Variants in SERP2 observed in about 807,000 individuals in gnomAD.
SERP2 encodes stress-associated endoplasmic reticulum protein 2.
Under a neutral mutation model 9.1 loss-of-function variants are expected in SERP2, and 6 were observed. The observed-to-expected ratio is 0.66, with a 90% CI of 0.36 to 1.30. SERP2 has a LOEUF of 1.30. SERP2 is among the 50% of genes most tolerant of loss of function. The pLI is 0.03. For missense variants in SERP2, 58 were observed against 81.9 expected, an observed-to-expected ratio of 0.71 and a Z score of 1.13; for synonymous variants, 37 against 27.3, an observed-to-expected ratio of 1.35 and a Z score of -1.10.
chr13:44,394,359 A>G (rs1372852490), intron 2 of SERP2, among the ~76,000 whole-genome samples: 2 of 152,126 alleles, frequency 1.3e-5, no homozygotes, highest in East Asian at 3.9e-4. Flanking sequence ...TCTTGACCTC[A>G]TGATCTGCCC....
Position 44,374,663 on chromosome 13 carries a change from T to A in SERP2, c.84+554T>A, listed in dbSNP as rs999677362. On this transcript the variant is annotated intron_variant, in intron 1 of 2. Transcript: ENST00000379179. ...CCTCCCCAACAGACTTGCACCAGGA[T>A]CAAGTTTTCTTTCCAGCCCCTTTGT... 4.6e-5 allele frequency among the ~76,000 whole-genome samples: 7 copies of A among 152,174 alleles called. 1 individual carries two copies. Among genetic ancestry groups the A allele is most frequent in the African/African-American group, 1.7e-4 (7 of 41,448 alleles).
At chr13:44,381,774 G>A (rs761646573) in intron 2 of SERP2, among the ~76,000 whole-genome samples, 5 of 152,030 alleles carry the variant, frequency 3.3e-5, no homozygotes, top group Admixed American at 6.5e-5. Context: ...CTGCAACCCC[G>A]GAAACACATC....
chr13:44,385,773 T>C (rs1253715115), intron 2 of SERP2, among the ~76,000 whole-genome samples: 1 of 152,144 alleles, frequency 6.6e-6, no homozygotes, highest in Non-Finnish European at 1.5e-5. Context: ...ATGGGGATAA[T>C]GAGCAGCCCT....
intron 2 of SERP2, among the ~76,000 whole-genome samples, chr13:44,392,728 G>A (rs1396801813): frequency 2.0e-5 from 3 of 152,102 alleles, no homozygotes; most frequent in Admixed American, 6.5e-5. Context: ...AGGTACCTCT[G>A]AGCCACCCAG....
At chr13:44,376,796 A>G (rs1871680402) in intron 1 of SERP2, among the ~76,000 whole-genome samples, 1 of 152,136 alleles carries the variant, frequency 6.6e-6, no homozygotes, top group Admixed American at 6.5e-5. Flanking sequence ...GAAACAGAGA[A>G]ATGGAATAAT....
At position 44,373,935 on chromosome 13, in the gene SERP2, C is replaced by T; in HGVS notation, c.-91C>T. ...CCACCTGCAGCGCCCGGGTGGGCCG[C>T]GGGGGCCTCGGCGGGACGCGCTCGG... On this transcript the variant is annotated 5_prime_UTR_variant, in exon 1 of 3. Transcript: ENST00000379179. The surrounding 1 kb of genome is among the most constrained non-coding windows in gnomAD (Gnocchi z 4.8). 1.6e-6 allele frequency: 2 copies of T among 1,242,984 alleles called. No individual in the cohort carries two copies. Among genetic ancestry groups the T allele is most frequent in the Non-Finnish European group, 1.1e-6 (1 of 886,376 alleles). 77.0% of individuals were successfully genotyped at this position (1,242,984 alleles called of 1,614,324 possible).
At chr13:44,374,181 G>GGGGGC in intron 1 of SERP2, 72 bp downstream of exon 1, 5 of 448,634 alleles carry the variant, frequency 1.1e-5, no homozygotes, top group Non-Finnish European at 1.8e-5. Context: ...TGGGGGCGGG[G>GGGGGC]CCGGGCGGGT....
intron 2 of SERP2, among the ~76,000 whole-genome samples, chr13:44,388,546 C>A (rs892071749): frequency 6.6e-6 from 1 of 152,178 alleles, no homozygotes; most frequent in Non-Finnish European, 1.5e-5. Flanking sequence ...AACAAAGAGC[C>A]TGTGAGGTTT....
intron 2 of SERP2, among the ~76,000 whole-genome samples, chr13:44,386,258 T>C (rs566997291): frequency 6.6e-6 from 1 of 152,350 alleles, no homozygotes; most frequent in African/African-American, 2.4e-5. Context: ...TCCACCACTC[T>C]TTTGCTGTAA....
intron 2 of SERP2, chr13:44,395,748 G>A (rs1275664871): frequency 2.2e-6 from 1 of 455,168 alleles, no homozygotes. Flanking sequence ...CTCACATGGA[G>A]CTGATTGACT....
At position 44,374,124 on chromosome 13, in the gene SERP2, G is replaced by T; in HGVS notation, c.84+15G>T. The T allele has an allele frequency of 6.5e-7, 1 of 1,543,122 alleles. No homozygotes were observed. The highest frequency in any genetic ancestry group is 1.9e-5 in the Admixed American group (1 of 52,216). ...CCAAAACCCTGGTAAGGCGGGGTCG[G>T]CGCCGGCCAGGCAGAGCCCTGCAGC... On this transcript the variant is annotated intron_variant, in intron 1 of 2. Transcript: ENST00000379179.
intron 2 of SERP2, among the ~76,000 whole-genome samples, chr13:44,395,520 C>T (rs1345135491): frequency 8.8e-5 from 13 of 147,296 alleles, no homozygotes; most frequent in African/African-American, 1.3e-4. Context: ...AGGAGAATGG[C>T]GTGAACCGGG....
At chr13:44,394,077 T>C (rs1872941839) in intron 2 of SERP2, among the ~76,000 whole-genome samples, 2 of 152,232 alleles carry the variant, frequency 1.3e-5, no homozygotes, top group Non-Finnish European at 2.9e-5. Flanking sequence ...TAAGTTGTTT[T>C]AATATCAGTG....
At chr13:44,390,086 A>C (rs547578264) in intron 2 of SERP2, among the ~76,000 whole-genome samples, 69 of 152,342 alleles carry the variant, frequency 4.5e-4, no homozygotes, top group Middle Eastern at 6.8e-3. Context: ...TTTCCCTAGA[A>C]GTTGTATGGA....
chr13:44,390,915 CTCTT>C (rs1240401594), intron 2 of SERP2: 2 of 152,270 alleles, frequency 1.3e-5, no homozygotes, highest in African/African-American at 4.8e-5. Flanking sequence ...TTTCTACCAG[CTCTT>C]TCATCATTTT....
chr13:44,373,952 C>A lies in SERP2; in HGVS notation c.-74C>A. The A allele has an allele frequency of 2.2e-6, 3 of 1,393,764 alleles. No individual in the cohort carries two copies. The highest frequency in any genetic ancestry group is 2.0e-6 in the Non-Finnish European group (2 of 1,019,732). 86.3% of individuals were successfully genotyped at this position (1,393,764 alleles called of 1,614,324 possible). On this transcript the variant is annotated 5_prime_UTR_variant, in exon 1 of 3. Transcript: ENST00000379179. The surrounding 1 kb of genome is among the most constrained non-coding windows in gnomAD (Gnocchi z 4.8). ...GTGGGCCGCGGGGGCCTCGGCGGGACGCGCTCGGCCCTGTCGCAGGAGCTA... is the reference window on the plus strand; with the variant it reads ...GTGGGCCGCGGGGGCCTCGGCGGGAAGCGCTCGGCCCTGTCGCAGGAGCTA...
intron 1 of SERP2, among the ~76,000 whole-genome samples, chr13:44,378,426 G>A (rs1871783452): frequency 6.6e-6 from 1 of 152,038 alleles, no homozygotes; most frequent in Non-Finnish European, 1.5e-5. Context: ...GTATTTGTAT[G>A]GATATGAACA....
chr13:44,391,050 T>G (rs569658730), intron 2 of SERP2: 4 of 152,240 alleles, frequency 2.6e-5, no homozygotes, highest in Non-Finnish European at 5.9e-5. Context: ...TTGATCTCTT[T>G]TATCATCAAT....
In SERP2 at chr13:44,379,627, C is replaced by G; in HGVS notation, c.85-14C>G. On this transcript the variant is annotated splice_polypyrimidine_tract_variant and intron_variant, in intron 1 of 2. Coordinates refer to ENST00000379179, the MANE Select transcript of SERP2 (RefSeq NM_001010897.3). ...TCAATGAACCTAATCTTACTTTTTC[C>G]CATTCCCTTTTAGAGGCCGCAAGAG... 4.4e-6 allele frequency: 7 copies of G among 1,601,052 alleles called. No individual in the cohort carries two copies. Among genetic ancestry groups the G allele is most frequent in the Non-Finnish European group, 5.1e-6 (6 of 1,171,104 alleles).
Sources: allele counts gnomAD v4.1 joint callset (sites outside exome capture counted in the v4.1 genomes callset), GRCh38; gene constraint gnomAD v4.1.1; non-coding constraint Gnocchi (gnomAD v3.1); transcripts MANE v1.5; gene names NCBI Gene and HGNC (gene_info 2026-07-23, HGNC 2026-07-21).